The following LARP1 variants were observed in gnomAD, a reference collection of about 807,000 sequenced individuals.
The protein encoded by LARP1 is La ribonucleoprotein 1, translational regulator.
Under a neutral mutation model 122.7 loss-of-function variants are expected in LARP1, and 36 were observed. The observed-to-expected ratio is 0.29, with a 90% CI of 0.22 to 0.39. The LOEUF is 0.39. Ranked by LOEUF, LARP1 falls within the 10% of genes least tolerant of loss-of-function variation. LARP1 has a pLI of 1.00. For synonymous variants in LARP1, 539 were observed against 528.7 expected (o/e 1.02, Z -0.27); for missense variants, 1,040 against 1,403.6 (o/e 0.74, Z 4.14).
Position 154,744,660 on chromosome 5 carries a change from C to T in LARP1, c.205+31530C>T, listed in dbSNP as rs754660801. ...TTTTTTTTTTTTTTTTTTTTTGAGA[C>T]GGAGTCTCGCTCTGTCGCCCAGGCT... On this transcript the variant is annotated intron_variant, in intron 1 of 18. Transcript: ENST00000336314. 3.4e-3 allele frequency among the ~76,000 whole-genome samples: 172 copies of T among 51,112 alleles called. 1 individual carries two copies. The highest frequency in any genetic ancestry group is 8.1e-3 in the African/African-American group (81 of 9,994). 33.5% of individuals were successfully genotyped at this position (51,112 alleles called of 152,430 possible).
chr5:154,773,425 G>A (rs1755605007), intron 1 of LARP1, among the ~76,000 whole-genome samples: 1 of 152,036 alleles, frequency 6.6e-6, no homozygotes, highest in Non-Finnish European at 1.5e-5. Context: ...ATACCCAGCT[G>A]CTACCTGTGA....
chr5:154,687,384 G>A (rs1165790343), intron 1 of LARP1, among the ~76,000 whole-genome samples: 1 of 151,874 alleles, frequency 6.6e-6, no homozygotes, highest in Admixed American at 6.6e-5. Context: ...TTTGTGTGTT[G>A]TGTGTGTGTG....
At chr5:154,693,716 C>T (rs1754332223) in intron 1 of LARP1, among the ~76,000 whole-genome samples, 1 of 151,836 alleles carries the variant, frequency 6.6e-6, no homozygotes, top group African/African-American at 2.4e-5. Flanking sequence ...ATTAGCCGGG[C>T]GTGGTGGCGG....
At chr5:154,736,069 G>A (rs1380240622) in intron 1 of LARP1, among the ~76,000 whole-genome samples, 3 of 151,312 alleles carry the variant, frequency 2.0e-5, no homozygotes, top group African/African-American at 7.3e-5. Flanking sequence ...ACAGGTGTTC[G>A]CCACCATACC....
intron 1 of LARP1, among the ~76,000 whole-genome samples, chr5:154,747,305 C>CAA (rs1159076798): frequency 5.4e-5 from 4 of 74,582 alleles, no homozygotes; most frequent in East Asian, 3.5e-4. Context: ...GACTCTGTCC[C>CAA]AAAAAAAAAA....
At chr5:154,804,378 G>A (rs1758585579) in intron 14 of LARP1, 71 bp downstream of exon 14, 3 of 1,110,408 alleles carry the variant, frequency 2.7e-6, no homozygotes, top group East Asian at 2.4e-5. Flanking sequence ...GAAATTGACT[G>A]GACCAAGAAG....
chr5:154,697,821 TTTG>T (rs938673175), intron 1 of LARP1, among the ~76,000 whole-genome samples: 14 of 152,100 alleles, frequency 9.2e-5, no homozygotes, highest in South Asian at 6.2e-4. Flanking sequence ...TTGTTTTTTG[TTTG>T]TTGTTGTTGT....
rs1221330346 is a variant in LARP1 at position 154,796,020 on chromosome 5, TTATA to T, written c.1377+707_1377+710del. Among the ~76,000 whole-genome samples the T allele has an allele frequency of 6.5e-4, 64 of 99,050 alleles. No individual in the cohort carries two copies. In the South Asian group the frequency reaches 0.015, roughly 23 times the overall value. The allele number at this position is 99,050 out of a possible 152,430, so 65.0% of individuals were successfully genotyped here. On this transcript the variant is annotated intron_variant, in intron 8 of 18. Transcript: ENST00000518297. ...TTTATATATATTATATATTTATATA[TTATA>T]TATATTTTTATATATATTATATATT...
chr5:154,700,680 G>A (rs1754670818), intron 1 of LARP1, among the ~76,000 whole-genome samples: 1 of 151,726 alleles, frequency 6.6e-6, no homozygotes, highest in Non-Finnish European at 1.5e-5. Context: ...CTGGAGTGCA[G>A]TGTTGCAATC....
chr5:154,730,488 T>C (rs941434748), intron 1 of LARP1, among the ~76,000 whole-genome samples: 12 of 151,816 alleles, frequency 7.9e-5, no homozygotes, highest in Admixed American at 2.6e-4. Context: ...TTTTTTTTTT[T>C]CGAGACGTTG....
chr5:154,760,018 C>T (rs1175358927), intron 1 of LARP1, among the ~76,000 whole-genome samples: 1 of 152,056 alleles, frequency 6.6e-6, no homozygotes, highest in Non-Finnish European at 1.5e-5. Context: ...CGGCCCACTG[C>T]AACCTCCACC....
At chr5:154,717,450 C>T (rs1755579903) in intron 1 of LARP1, among the ~76,000 whole-genome samples, 1 of 152,184 alleles carries the variant, frequency 6.6e-6, no homozygotes, top group Admixed American at 6.6e-5. Context: ...CTGCTGTAAC[C>T]TGGGCTAGCC....
intron 14 of LARP1, 145 bp downstream of exon 14, chr5:154,804,452 G>T (rs1758591978): frequency 1.5e-6 from 1 of 661,378 alleles, no homozygotes; most frequent in Middle Eastern, 4.2e-4. Flanking sequence ...GGTGTGGAAA[G>T]CTCAGCCCAG....
upstream of LARP1, among the ~76,000 whole-genome samples, chr5:154,754,982 T>C (rs889906815): frequency 4.6e-5 from 7 of 152,096 alleles, no homozygotes; most frequent in African/African-American, 1.2e-4. Flanking sequence ...CCGGGTCCCA[T>C]GTGCTCCACC....
chr5:154,704,647 CAAAAAAAAAAA>C (rs75268894), intron 1 of LARP1, among the ~76,000 whole-genome samples: 2 of 52,876 alleles, frequency 3.8e-5, no homozygotes, highest in East Asian at 1.2e-3. Flanking sequence ...AACCCTGTCT[CAAAAAAAAAAA>C]AAAAAAAAAG....
intron 4 of LARP1, 46 bp downstream of exon 4, chr5:154,792,842 CTG>C (rs756506350): frequency 3.8e-6 from 6 of 1,589,000 alleles, no homozygotes; most frequent in African/African-American, 1.3e-5. Flanking sequence ...CAGGGTAGAA[CTG>C]TGAAATGTCA....
chr5:154,778,896 T>G (rs1756148889), intron 1 of LARP1, among the ~76,000 whole-genome samples: 1 of 152,234 alleles, frequency 6.6e-6, no homozygotes, highest in Non-Finnish European at 1.5e-5. Context: ...ATCAAATATT[T>G]AGTATAAGTA....
At chr5:154,790,232 A>G in intron 1 of LARP1, 93 bp from the exon 2 acceptor site, 1 of 990,036 alleles carries the variant, frequency 1.0e-6, no homozygotes. Context: ...GCAGGTTGCT[A>G]GGTGGAGTGG....
chr5:154,714,736 TC>T (rs1315719328), intron 1 of LARP1, among the ~76,000 whole-genome samples: 10 of 152,324 alleles, frequency 6.6e-5, no homozygotes, highest in African/African-American at 2.2e-4. Flanking sequence ...GCACCCTCTC[TC>T]GGGGTAGAGC....
Sources: gnomAD v4.1 joint callset for allele counts (sites outside exome capture counted in the v4.1 genomes callset) on GRCh38, gnomAD v4.1.1 for gene constraint, MANE v1.5 for transcripts, NCBI Gene and HGNC (gene_info 2026-07-23, HGNC 2026-07-21) for gene names.